Variants in DIP2A observed in about 807,000 individuals in gnomAD.
DIP2A encodes DIP2 acetate--CoA ligase A.
A neutral mutation model predicts 177.4 loss-of-function variants in DIP2A; 85 were observed. That is an observed-to-expected ratio of 0.48 (90% CI 0.40 to 0.57). The LOEUF (loss-of-function observed/expected upper bound fraction) is 0.57, where lower values mean the gene tolerates loss of function less well. Ranked by LOEUF, DIP2A falls within the 20% of genes least tolerant of loss-of-function variation. The pLI is 0.00. For missense variants in DIP2A, 1,791 were observed against 2,100.2 expected, an observed-to-expected ratio of 0.85 and a Z score of 2.88; for synonymous variants, 886 against 881.8, an observed-to-expected ratio of 1.00 and a Z score of -0.08.
chr21:46,572,442 T>A (rs1181423982), downstream of DIP2A, among the ~76,000 whole-genome samples: 1 of 152,190 alleles, frequency 6.6e-6, no homozygotes, highest in East Asian at 1.9e-4. Flanking sequence ...GGTAAGTACT[T>A]ACTATGATTT....
At position 46,550,207 on chromosome 21, in the gene DIP2A, T is replaced by C. The variant is rs2060220388; in HGVS notation, c.2637+322T>C. 7 of 746,412 alleles carry C rather than the reference T, an allele frequency of 9.4e-6. No homozygotes were observed. The South Asian group carries it at 1.1e-4, about 11-fold the overall frequency. The allele number at this position is 746,412 out of a possible 1,614,324, so 46.2% of individuals were successfully genotyped here. Reference sequence around the variant, plus strand: ...TTATTATATTCACCAGTCTGTGCAATATATCTCAAAGAAAAAACTTTCCTC... The same window carrying C: ...TTATTATATTCACCAGTCTGTGCAACATATCTCAAAGAAAAAACTTTCCTC... On this transcript the variant is annotated intron_variant, in intron 22 of 37. Coordinates refer to ENST00000417564, the MANE Select transcript of DIP2A (RefSeq NM_015151.4).
chr21:46,519,855 A>ATTTTTTTTTTTTTTT lies in DIP2A; in HGVS notation c.1102+8264_1102+8278dup, dbSNP rs59574579. Among the ~76,000 whole-genome samples, 2 of 53,018 alleles carry ATTTTTTTTTTTTTTT rather than the reference A, an allele frequency of 3.8e-5. 1 individual carries two copies. Among genetic ancestry groups the ATTTTTTTTTTTTTTT allele is most frequent in the Non-Finnish European group, 6.6e-5 (2 of 30,508 alleles). The allele number at this position is 53,018 out of a possible 152,430, so 34.8% of individuals were successfully genotyped here. A position where few individuals can be genotyped will look rare whatever the true frequency, so the allele number is the denominator to read the frequency against. On this transcript the variant is annotated intron_variant, in intron 8 of 37. Coordinates refer to ENST00000417564, the MANE Select transcript of DIP2A (RefSeq NM_015151.4). ...GCCCAGAATTAGAATATTGATCTAG[A>ATTTTTTTTTTTTTTT]TTTTTTTTTTTTTTTTTTTTTTTTT...
chr21:46,495,539 A>G (rs995001730), intron 3 of DIP2A, among the ~76,000 whole-genome samples: 2 of 151,698 alleles, frequency 1.3e-5, no homozygotes, highest in Non-Finnish European at 2.9e-5. Context: ...AAGTGCTGGG[A>G]TTACAGGCAT....
At chr21:46,459,584 C>G (rs959843992) in intron 1 of DIP2A, among the ~76,000 whole-genome samples, 1 of 146,704 alleles carries the variant, frequency 6.8e-6, no homozygotes, top group African/African-American at 2.5e-5. Context: ...GCCCCTCACC[C>G]CGGGGACCCC....
Position 46,541,853 on chromosome 21 carries a change from T to C in DIP2A, c.2134T>C (p.Ser712Pro). ...VIRVDTEEKL[S>P]VLTVQDVGQV... ...CAGAGTGGATACTGAAGAAAAGTTG[T>C]CAGTCCTTACTGTTCAGGACGTTGG... Residue 712 changes from serine (S) to proline (P), a missense_variant, in exon 18 of 38, where the codon TCA becomes CCA. Ser to Pro is a moderately conservative substitution (Grantham distance 74). Coordinates refer to ENST00000417564, the MANE Select transcript of DIP2A (RefSeq NM_015151.4). 6.2e-7 allele frequency: 1 copy of C among 1,614,058 alleles called. No individual in the cohort carries two copies. The highest frequency in any genetic ancestry group is 8.5e-7 in the Non-Finnish European group (1 of 1,179,894).
In DIP2A at chr21:46,560,754, C is replaced by T. The variant is rs771196748; in HGVS notation, c.4002C>T (p.Tyr1334=). 7 of 1,609,110 alleles carry T rather than the reference C, an allele frequency of 4.4e-6. No homozygotes were observed. Among genetic ancestry groups the T allele is most frequent in the East Asian group, 2.2e-5 (1 of 44,666 alleles). Residue 1334 remains tyrosine (Y), a synonymous_variant, in exon 33 of 38, where the codon TAC becomes TAT. Coordinates refer to ENST00000417564, the MANE Select transcript of DIP2A (RefSeq NM_015151.4). ...GTAGPDPTTV[Y]VDMRALRHDR... is the part of the protein sequence containing the mutation. ...CTGGCCCGGACCCCACAACCGTCTA[C>T]GTGGACATGCGGGCACTGCGCCATG... is the stretch of plus-strand genomic sequence containing the variant.
downstream of DIP2A, among the ~76,000 whole-genome samples, chr21:46,573,497 C>CA (rs892886888): frequency 3.3e-5 from 5 of 150,518 alleles, no homozygotes; most frequent in African/African-American, 9.8e-5. Context: ...ACATCTCTAC[C>CA]AAAAAAATAC....
intron 21 of DIP2A, among the ~76,000 whole-genome samples, chr21:46,547,871 T>C (rs985211809): frequency 6.6e-6 from 1 of 152,002 alleles, no homozygotes; most frequent in East Asian, 1.9e-4. Flanking sequence ...GGTCTCACTA[T>C]GTTGCTCAAG....
rs1371128203 is a variant in DIP2A at position 46,568,907 on chromosome 21, C to T, written c.*1285C>T. The T allele has an allele frequency of 6.6e-6, 1 of 152,080 alleles. No individual in the cohort carries two copies. The highest frequency in any genetic ancestry group is 1.5e-5 in the Non-Finnish European group (1 of 67,994). The allele number at this position is 152,080 out of a possible 1,614,324, so 9.4% of individuals were successfully genotyped here. A position where few individuals can be genotyped will look rare whatever the true frequency, so the allele number is the denominator to read the frequency against. On this transcript the variant is annotated 3_prime_UTR_variant, in exon 38 of 38. Transcript: ENST00000417564. ...TGGTTACATTCTTCACTGCTTTTTG[C>T]ATTTTGAGTTGTGTGCCTATAAAAT... is the stretch of plus-strand genomic sequence containing the variant.
downstream of DIP2A, among the ~76,000 whole-genome samples, chr21:46,574,231 C>T (rs1300149125): frequency 1.3e-5 from 2 of 152,046 alleles, no homozygotes; most frequent in African/African-American, 2.4e-5. Flanking sequence ...AAAATTAACA[C>T]ACTTTCAAAC....
intron 8 of DIP2A, among the ~76,000 whole-genome samples, chr21:46,527,032 A>G (rs1443818088): frequency 3.4e-5 from 5 of 148,522 alleles, no homozygotes; most frequent in African/African-American, 1.3e-4. Context: ...GAGTTTAAGA[A>G]GAATTTCAAA....
intron 19 of DIP2A, 72 bp from the exon 20 acceptor site, chr21:46,545,809 C>G: frequency 6.4e-7 from 1 of 1,565,982 alleles, no homozygotes; most frequent in Non-Finnish European, 8.7e-7. Context: ...AGCCTCCTGC[C>G]GCCTGCTGGG....
At chr21:46,576,901 A>G in the DIP2A span, among the ~76,000 whole-genome samples, 1 of 151,960 alleles carries the variant, frequency 6.6e-6, no homozygotes, top group South Asian at 2.1e-4. Context: ...TTTTTTTCAT[A>G]TATTTGTTGG....
chr21:46,495,235 TTCTCTTCTTTCTCTCTCTCTCTC>T (rs2057267477), intron 3 of DIP2A, among the ~76,000 whole-genome samples: 3 of 51,298 alleles, frequency 5.8e-5, no homozygotes, highest in African/African-American at 1.2e-4. Context: ...TTCTCTTCTC[TTCTCTTCTTTCTCTCTCTCTCTC>T]TCTCTCTCTC....
At chr21:46,467,408 C>G (rs1324909703) in intron 1 of DIP2A, among the ~76,000 whole-genome samples, 1 of 151,920 alleles carries the variant, frequency 6.6e-6, no homozygotes, top group Non-Finnish European at 1.5e-5. Context: ...CGCTCTGTTG[C>G]CCAGTTGGGA....
In DIP2A at chr21:46,550,643, C is replaced by T; in HGVS notation, c.2738C>T (p.Thr913Ile). Residue 913 changes from threonine to isoleucine, a missense_variant, in exon 23 of 38, where the codon ACC (threonine) becomes ATC (isoleucine). Transcript: ENST00000417564. ...CTCGGAGGGATTCACATTTCTGAAA[C>T]CAAACAGCGCTTTCTGGAAGGGACG... ...APLGGIHISE[T>I]KQRFLEGTLH... The T allele has an allele frequency of 6.2e-7, 1 of 1,613,952 alleles. No homozygotes were observed.
intron 3 of DIP2A, among the ~76,000 whole-genome samples, chr21:46,491,748 C>T (rs911211046): frequency 2.6e-5 from 4 of 152,100 alleles, no homozygotes; most frequent in Non-Finnish European, 5.9e-5. Flanking sequence ...TCCTTTCTGC[C>T]GCTCCTTATT....
intron 33 of DIP2A, chr21:46,561,316 C>T (rs964801986): frequency 7.1e-5 from 21 of 295,092 alleles, no homozygotes; most frequent in Admixed American, 1.5e-4. Flanking sequence ...TCTTGATGAA[C>T]GATGGTGGTG....
intron 1 of DIP2A, among the ~76,000 whole-genome samples, chr21:46,474,026 G>C (rs2055628813): frequency 6.6e-6 from 1 of 152,194 alleles, no homozygotes; most frequent in South Asian, 2.1e-4. Flanking sequence ...AGAAAAGTTA[G>C]CTTGAAAAAC....
Sources: gnomAD v4.1 joint callset for allele counts (sites outside exome capture counted in the v4.1 genomes callset) on GRCh38, gnomAD v4.1.1 for gene constraint, MANE v1.5 for transcripts, NCBI Gene and HGNC (gene_info 2026-07-23, HGNC 2026-07-21) for gene names.